Variants in KALRN observed in about 807,000 individuals in gnomAD.
KALRN encodes kalirin.
In KALRN, 70 loss-of-function variants were observed where a neutral mutation model predicts 353.7. The observed-to-expected ratio is 0.20, with a 90% CI of 0.16 to 0.24. The LOEUF (loss-of-function observed/expected upper bound fraction) is 0.24. Ranked by LOEUF, KALRN falls within the 10% of genes least tolerant of loss-of-function variation. KALRN has a pLI of 1.00. For missense variants in KALRN, 2,791 were observed against 3,756.7 expected (o/e 0.74, Z 6.72); for synonymous variants, 1,391 against 1,434.8 (o/e 0.97, Z 0.69).
chr3:124,313,408 A>C (rs908614551), intron 6 of KALRN, among the ~76,000 whole-genome samples: 1 of 152,226 alleles, frequency 6.6e-6, no homozygotes, highest in Non-Finnish European at 1.5e-5. Flanking sequence ...CTTATCAATC[A>C]AGTTGAACAG....
chr3:124,485,824 G>A (rs1190823177), intron 28 of KALRN, among the ~76,000 whole-genome samples: 1 of 152,168 alleles, frequency 6.6e-6, no homozygotes, highest in Non-Finnish European at 1.5e-5. Flanking sequence ...AGGTTGCAGT[G>A]AGCTGAGATT....
chr3:124,565,361 G>A (rs1383802621), intron 34 of KALRN, among the ~76,000 whole-genome samples: 1 of 152,208 alleles, frequency 6.6e-6, no homozygotes, highest in Admixed American at 6.5e-5. Flanking sequence ...GGAAACTCAG[G>A]AATCTGGTTC....
chr3:124,619,702 G>A (rs2079064550), intron 34 of KALRN, among the ~76,000 whole-genome samples: 1 of 151,956 alleles, frequency 6.6e-6, no homozygotes, highest in African/African-American at 2.4e-5. Context: ...GTCCAGGCTG[G>A]TCTTGAACTC....
intron 3 of KALRN, among the ~76,000 whole-genome samples, chr3:124,246,605 A>G (rs1423709387): frequency 6.6e-6 from 1 of 152,050 alleles, no homozygotes; most frequent in Non-Finnish European, 1.5e-5. Context: ...TCTGCCTTTT[A>G]TGGAGAAAGG....
At chr3:124,385,486 G>A (rs771612579) in intron 11 of KALRN, among the ~76,000 whole-genome samples, 12 of 152,138 alleles carry the variant, frequency 7.9e-5, no homozygotes, top group Admixed American at 4.6e-4. Context: ...TTACAGATGT[G>A]TTTTTTCTGT....
chr3:124,447,192 G>A (rs898043577), intron 21 of KALRN, among the ~76,000 whole-genome samples: 2 of 152,172 alleles, frequency 1.3e-5, no homozygotes, highest in African/African-American at 4.8e-5. Flanking sequence ...AGGGAAAAGG[G>A]TGTATTCATG....
chr3:124,514,156 A>G (rs898772388), intron 33 of KALRN, among the ~76,000 whole-genome samples: 1 of 152,198 alleles, frequency 6.6e-6, no homozygotes, highest in African/African-American at 2.4e-5. Context: ...GCATCAAGTG[A>G]TATTTCCAGT....
intron 33 of KALRN, among the ~76,000 whole-genome samples, chr3:124,554,026 T>C (rs544493568): frequency 1.3e-5 from 2 of 152,368 alleles, no homozygotes; most frequent in South Asian, 4.1e-4. Flanking sequence ...TCTAGTTAGA[T>C]GTTCTCTGAA....
intron 14 of KALRN, among the ~76,000 whole-genome samples, chr3:124,417,652 T>A (rs1343793646): frequency 1.3e-5 from 2 of 152,216 alleles, no homozygotes; most frequent in Non-Finnish European, 2.9e-5. Flanking sequence ...TCCTTGAGCA[T>A]AAAGGCTAGA....
chr3:124,138,955 G>A (rs1007955714), intron 1 of KALRN, among the ~76,000 whole-genome samples: 16 of 152,142 alleles, frequency 1.1e-4, no homozygotes, highest in African/African-American at 3.6e-4. Context: ...GTATCATGGC[G>A]CATATAATAC....
rs1048204366 is a variant in KALRN, at chr3:124,693,846, A to G, written c.7405+15A>G. 7 of 1,547,788 alleles carry G rather than the reference A, an allele frequency of 4.5e-6. No individual in the cohort carries two copies. The Admixed American group carries it at 5.5e-5, about 12-fold the overall frequency. On this transcript the variant is annotated intron_variant, in intron 52 of 59. Coordinates refer to ENST00000682506, the MANE Select transcript of KALRN (RefSeq NM_001388419.1). ...CATCCAAGAAGGTGAGTTAAAAAGC[A>G]TTAGAATTGGAAACATGGGGATTGG...
At chr3:124,249,493 A>G (rs2148733197) in intron 3 of KALRN, among the ~76,000 whole-genome samples, 1 of 152,316 alleles carries the variant, frequency 6.6e-6, no homozygotes, top group African/African-American at 2.4e-5. Context: ...AAAGAGTAGA[A>G]TGCTGTCTAA....
intron 1 of KALRN, among the ~76,000 whole-genome samples, chr3:124,069,951 A>G (rs1429552519): frequency 6.6e-6 from 1 of 152,150 alleles, no homozygotes; most frequent in Non-Finnish European, 1.5e-5. Flanking sequence ...TGCTGTGCGA[A>G]TGGGCTTGAC....
chr3:124,053,619 T>TA (rs200457389), intron 1 of KALRN, among the ~76,000 whole-genome samples: 29 of 151,562 alleles, frequency 1.9e-4, no homozygotes, highest in South Asian at 1.0e-3. Flanking sequence ...TACAAAACGT[T>TA]AAAAAAAAAC....
intron 33 of KALRN, among the ~76,000 whole-genome samples, chr3:124,498,359 T>C (rs1179798267): frequency 3.3e-5 from 5 of 152,196 alleles, no homozygotes; most frequent in Non-Finnish European, 7.3e-5. Context: ...CATGTCTGTC[T>C]CAATAGCCAG....
At chr3:124,528,917 G>C (rs1178614410) in intron 33 of KALRN, among the ~76,000 whole-genome samples, 2 of 152,092 alleles carry the variant, frequency 1.3e-5, no homozygotes, top group Non-Finnish European at 2.9e-5. Flanking sequence ...GCTCAGCAGG[G>C]GGGGCTCTAA....
chr3:124,345,174 GGTAGTTCTT>G (rs2082142009), intron 9 of KALRN, among the ~76,000 whole-genome samples: 1 of 152,136 alleles, frequency 6.6e-6, no homozygotes, highest in Non-Finnish European at 1.5e-5. Flanking sequence ...AACGACCACT[GGTAGTTCTT>G]TTATATGCAA....
At chr3:124,432,813 A>G (rs568992894) in intron 16 of KALRN, among the ~76,000 whole-genome samples, 1 of 152,344 alleles carries the variant, frequency 6.6e-6, no homozygotes, top group Admixed American at 6.5e-5. Flanking sequence ...CTGGGTTTCT[A>G]TCTGGATACA....
In KALRN at chr3:124,719,427, A is replaced by T; in HGVS notation, c.8918A>T (p.Asn2973Ile). ...KHQNDVRPIP[N>I]VKSYIVNRVN... ...CAGAATGATGTGCGGCCTATTCCCA[A>T]TGTCAAGAGCTACATTGTCAACCGG... Residue 2973 changes from asparagine (N) to isoleucine (I), a missense_variant, in exon 60 of 60, where the codon AAT becomes ATT. Transcript: ENST00000682506. This position sits in a 1 kb window ranked among gnomAD's most constrained non-coding sequence, Gnocchi z 5.3. The T allele has an allele frequency of 6.2e-7, 1 of 1,614,072 alleles. No individual in the cohort carries two copies. The highest frequency in any genetic ancestry group is 1.7e-5 in the Admixed American group (1 of 60,018).
Sources: allele counts gnomAD v4.1 joint callset (sites outside exome capture counted in the v4.1 genomes callset), GRCh38; gene constraint gnomAD v4.1.1; non-coding constraint Gnocchi (gnomAD v3.1); transcripts MANE v1.5; gene names NCBI Gene and HGNC (gene_info 2026-07-23, HGNC 2026-07-21).